The following A2ML1 variants were observed in gnomAD, a reference collection of about 807,000 sequenced individuals.
The protein encoded by A2ML1 is alpha-2-macroglobulin-like protein 1.
A2ML1 carries 161 observed loss-of-function variants against 181.9 expected under a neutral mutation model. The ratio of observed to expected loss-of-function variants is 0.89; its 90% CI spans 0.78 to 1.01. The LOEUF (loss-of-function observed/expected upper bound fraction) is 1.01. A2ML1 is among the 50% of genes least tolerant of loss of function. The pLI is 0.00. For missense variants in A2ML1, 1,670 were observed against 1,768.1 expected (o/e 0.94, Z 1.00); for synonymous variants, 663 against 666.8 (o/e 0.99, Z 0.09).
chr12:8,855,352 A>G (rs1944027347), intron 22 of A2ML1, among the ~76,000 whole-genome samples, 157 bp from the exon 23 acceptor site: 1 of 152,224 alleles, frequency 6.6e-6, no homozygotes, highest in African/African-American at 2.4e-5. Flanking sequence ...ATTTTCAGCA[A>G]GATCACTATG....
At position 8,876,246 on chromosome 12, in the gene A2ML1, G is replaced by C. The variant is rs891790821; in HGVS notation, c.*190G>C. 5.3e-5 allele frequency: 8 copies of C among 152,250 alleles called. No individual in the cohort carries two copies. The highest frequency in any genetic ancestry group is 1.2e-4 in the Non-Finnish European group (8 of 68,058). 9.4% of individuals were successfully genotyped at this position (152,250 alleles called of 1,614,324 possible). Reference sequence around the variant, plus strand: ...CTACCTTTGCAAGGAGATGGGATAGGAACAATCACTCAGAGGAGGCGTTGC... The same window carrying C: ...CTACCTTTGCAAGGAGATGGGATAGCAACAATCACTCAGAGGAGGCGTTGC... On this transcript the variant is annotated 3_prime_UTR_variant, in exon 36 of 36. Transcript: ENST00000299698.
chr12:8,841,077 G>C (rs1251111488), intron 10 of A2ML1, among the ~76,000 whole-genome samples: 1 of 151,942 alleles, frequency 6.6e-6, no homozygotes, highest in Non-Finnish European at 1.5e-5. Flanking sequence ...ACCTTTGAAG[G>C]AGCCTGTGCA....
chr12:8,839,080 C>T (rs1439393079), intron 9 of A2ML1, 33 bp from the exon 10 acceptor site: 3 of 1,457,600 alleles, frequency 2.1e-6, no homozygotes, highest in African/African-American at 1.4e-5. Flanking sequence ...TATCAGGTGC[C>T]TAGATCTTTA....
At position 8,848,917 on chromosome 12, in the gene A2ML1, A is replaced by C. The variant is rs773886427; in HGVS notation, c.2028+3A>C. The C allele has an allele frequency of 1.2e-6, 2 of 1,609,800 alleles. No individual in the cohort carries two copies. The highest frequency in any genetic ancestry group is 4.5e-5 in the East Asian group (2 of 44,854). On this transcript the variant is annotated splice_donor_region_variant and intron_variant, in intron 16 of 35. Transcript: ENST00000299698. ...CGGACCTTTTCAGCTTTTTCCGGGT[A>C]GGTCTTCTTACCCATTTTGTTCTTA...
At chr12:8,863,087 T>C (rs1445962158) in intron 28 of A2ML1, among the ~76,000 whole-genome samples, 1 of 141,730 alleles carries the variant, frequency 7.1e-6, no homozygotes, top group Non-Finnish European at 1.5e-5. Flanking sequence ...ATTTTTATTC[T>C]ACTTAAAATG....
downstream of A2ML1, among the ~76,000 whole-genome samples, chr12:8,879,460 C>T (rs1428242125): frequency 6.6e-6 from 1 of 151,922 alleles, no homozygotes; most frequent in Non-Finnish European, 1.5e-5. Context: ...CACTGCACTC[C>T]AGCCTGGGGG....
At chr12:8,861,551 G>A (rs1176312342) in intron 28 of A2ML1, among the ~76,000 whole-genome samples, 9 of 152,042 alleles carry the variant, frequency 5.9e-5, no homozygotes, top group African/African-American at 1.7e-4. Flanking sequence ...GCAGTGGCGT[G>A]ATCTCGGCTC....
In A2ML1 at chr12:8,848,708, C is replaced by T. The variant is rs771794782; in HGVS notation, c.1834-12C>T. The T allele has an allele frequency of 1.1e-5, 17 of 1,581,770 alleles. No homozygotes were observed. The highest frequency in any genetic ancestry group is 7.3e-5 in the Admixed American group (4 of 54,826). On this transcript the variant is annotated splice_polypyrimidine_tract_variant and intron_variant, in intron 15 of 35. Transcript: ENST00000299698. ...TATCAATGCTTTATTTCCTCTCCCCCTCTTGTCCCAGGTCTATGGGATGTT... is the reference window on the plus strand; with the variant it reads ...TATCAATGCTTTATTTCCTCTCCCCTTCTTGTCCCAGGTCTATGGGATGTT...
intron 3 of A2ML1, among the ~76,000 whole-genome samples, chr12:8,828,506 C>T (rs1345039118): frequency 6.6e-6 from 1 of 152,126 alleles, no homozygotes; most frequent in African/African-American, 2.4e-5. Flanking sequence ...GCAGTGAGCT[C>T]TCCTCTGACA....
In A2ML1 at chr12:8,835,671, G is replaced by T; in HGVS notation, c.643+5G>T. On this transcript the variant is annotated splice_donor_5th_base_variant and intron_variant, in intron 6 of 35. Coordinates refer to ENST00000299698, the MANE Select transcript of A2ML1 (RefSeq NM_144670.6). Reference sequence around the variant, plus strand: ...CTTTCAGTGTGGAGGAATATGGTAGGTGGGGAAATGGACAGGCCAAAGTAT... The same window carrying T: ...CTTTCAGTGTGGAGGAATATGGTAGTTGGGGAAATGGACAGGCCAAAGTAT... The T allele has an allele frequency of 6.2e-7, 1 of 1,614,042 alleles. No homozygotes were observed. The highest frequency in any genetic ancestry group is 8.5e-7 in the Non-Finnish European group (1 of 1,179,956).
chr12:8,835,783 G>T, intron 6 of A2ML1, 117 bp downstream of exon 6: 2 of 1,369,096 alleles, frequency 1.5e-6, no homozygotes. Flanking sequence ...GGAGGCCGAG[G>T]CGGGCAGATC....
chr12:8,831,740 T>TTTTTGA (rs1943118552), intron 4 of A2ML1, among the ~76,000 whole-genome samples: 1 of 150,172 alleles, frequency 6.7e-6, no homozygotes, highest in Non-Finnish European at 1.5e-5. Flanking sequence ...ATCGAGTTTT[T>TTTTTGA]TTTTGTTTTT....
rs140939249 is a variant in A2ML1, at chr12:8,838,781, G to A, written c.970+331G>A. On this transcript the variant is annotated intron_variant, in intron 9 of 35. Transcript: ENST00000299698. ...CAAAAAATTAGCCGGGCATGGTGACGGGGGCGCCTGTAGTCCCAGCTACTC... is the reference window on the plus strand; with the variant it reads ...CAAAAAATTAGCCGGGCATGGTGACAGGGGCGCCTGTAGTCCCAGCTACTC... Among the ~76,000 whole-genome samples the A allele has an allele frequency of 6.5e-4, 99 of 151,978 alleles. 1 individual carries two copies. In the East Asian group the frequency reaches 0.013, roughly 20 times the overall value.
intron 8 of A2ML1, among the ~76,000 whole-genome samples, chr12:8,837,891 G>GA (rs151300022): frequency 2.5e-4 from 26 of 103,820 alleles, no homozygotes; most frequent in African/African-American, 5.5e-4. Flanking sequence ...CTCCCCCACC[G>GA]AAAAAAAAAA....
intron 7 of A2ML1, among the ~76,000 whole-genome samples, chr12:8,884,242 T>TTG (rs1555121115): frequency 5.2e-5 from 6 of 116,116 alleles, no homozygotes; most frequent in African/African-American, 1.8e-4. Context: ...TTTTTTTTTG[T>TTG]TTTGTTTTTT....
intron 4 of A2ML1, among the ~76,000 whole-genome samples, chr12:8,832,907 C>T (rs1182482544): frequency 2.0e-5 from 3 of 151,962 alleles, no homozygotes; most frequent in Non-Finnish European, 4.4e-5. Context: ...ATTAACTGAC[C>T]CTGTCTAACT....
intron 6 of A2ML1, 116 bp from the exon 7 acceptor site, chr12:8,836,139 G>A: frequency 2.6e-6 from 2 of 757,472 alleles, no homozygotes. Flanking sequence ...CCTAAATAAT[G>A]CCTCCTTCAT....
intron 33 of A2ML1, among the ~76,000 whole-genome samples, chr12:8,869,480 A>G (rs1398332641): frequency 2.6e-5 from 4 of 152,212 alleles, no homozygotes; most frequent in Non-Finnish European, 5.9e-5. Flanking sequence ...AGATGAAATT[A>G]AGTTTAACGG....
At chr12:8,861,644 C>T (rs1023059541) in intron 28 of A2ML1, among the ~76,000 whole-genome samples, 12 of 151,522 alleles carry the variant, frequency 7.9e-5, no homozygotes, top group African/African-American at 1.5e-4. Flanking sequence ...CCCACCACCA[C>T]GCCCGGCGAA....
Sources: gnomAD v4.1 joint callset for allele counts (sites outside exome capture counted in the v4.1 genomes callset) on GRCh38, gnomAD v4.1.1 for gene constraint, MANE v1.5 for transcripts, NCBI Gene and HGNC (gene_info 2026-07-23, HGNC 2026-07-21) for gene names.